The following CNNM2 variants were observed in gnomAD, a reference collection of about 807,000 sequenced individuals.
CNNM2 encodes the protein cyclin and CBS domain divalent metal cation transport mediator 2.
Under a neutral mutation model 66.9 loss-of-function variants are expected in CNNM2, and 12 were observed. The ratio of observed to expected loss-of-function variants is 0.18; its 90% CI spans 0.11 to 0.29. The LOEUF (loss-of-function observed/expected upper bound fraction) is 0.29. Ranked by LOEUF, CNNM2 falls within the 10% of genes least tolerant of loss-of-function variation. The probability of loss-of-function intolerance (pLI) is 1.00; values close to 1 mark genes in which losing one functional copy is unlikely to be tolerated. For missense variants in CNNM2, 705 were observed against 1,167.7 expected, an observed-to-expected ratio of 0.60 and a Z score of 5.77; for synonymous variants, 557 against 501.8, an observed-to-expected ratio of 1.11 and a Z score of -1.47.
intron 1 of CNNM2, among the ~76,000 whole-genome samples, chr10:102,993,202 C>T (rs1432780791): frequency 2.6e-5 from 4 of 152,092 alleles, no homozygotes; most frequent in African/African-American, 9.7e-5. Flanking sequence ...TACTTATGTG[C>T]GTTGAGAAAC....
intron 1 of CNNM2, among the ~76,000 whole-genome samples, chr10:103,036,251 C>T (rs2064936026): frequency 6.6e-6 from 1 of 152,178 alleles, no homozygotes; most frequent in Non-Finnish European, 1.5e-5. Context: ...GAGAAGATGA[C>T]AAGCAGGCTG....
intron 1 of CNNM2, among the ~76,000 whole-genome samples, chr10:103,046,685 T>C (rs1180635146): frequency 1.3e-5 from 2 of 152,360 alleles, no homozygotes; most frequent in African/African-American, 4.8e-5. Flanking sequence ...GCCATTGTTT[T>C]ACTTTTTGCA....
intron 1 of CNNM2, among the ~76,000 whole-genome samples, chr10:102,982,263 A>G (rs893515688): frequency 1.1e-4 from 17 of 152,188 alleles, no homozygotes; most frequent in Admixed American, 3.3e-4. Flanking sequence ...CACACTGGCT[A>G]TATTATTTGA....
At chr10:102,947,866 C>T (rs1045240736) in intron 1 of CNNM2, among the ~76,000 whole-genome samples, 4 of 151,934 alleles carry the variant, frequency 2.6e-5, no homozygotes, top group Admixed American at 6.6e-5. Flanking sequence ...CTGGCTAACA[C>T]GGTGAAACCC....
chr10:102,971,546 T>C (rs1285766302), intron 1 of CNNM2, among the ~76,000 whole-genome samples: 1 of 152,226 alleles, frequency 6.6e-6, no homozygotes, highest in Non-Finnish European at 1.5e-5. Flanking sequence ...GATATAAACA[T>C]AGCCAGTTGG....
At chr10:103,049,589 A>C in intron 1 of CNNM2, 118 bp from the exon 2 acceptor site, 1 of 999,768 alleles carries the variant, frequency 1.0e-6, no homozygotes, top group South Asian at 1.6e-5. Context: ...TAAAATGCTG[A>C]AACAGAGATT....
At chr10:102,924,722 A>C (rs1845789009) in intron 1 of CNNM2, among the ~76,000 whole-genome samples, 1 of 151,658 alleles carries the variant, frequency 6.6e-6, no homozygotes. Flanking sequence ...CTCCCATCTG[A>C]GCCTTCCAAG....
chr10:103,004,978 CTTTAA>C (rs1029721427), intron 1 of CNNM2, among the ~76,000 whole-genome samples: 15 of 152,106 alleles, frequency 9.9e-5, no homozygotes, highest in African/African-American at 3.1e-4. Flanking sequence ...ATTGAATGGT[CTTTAA>C]TTTCTTTTTT....
Position 102,926,644 on chromosome 10 carries a change from C to T in CNNM2, c.1621+6543C>T, listed in dbSNP as rs118121614. On this transcript the variant is annotated intron_variant, in intron 1 of 7. Transcript: ENST00000369878. Reference sequence around the variant, plus strand: ...CACTGCAGCCTCGACCTCCCAGGTTCGAGTGATCCTCCCATCTCAGCCTCC... The same window carrying T: ...CACTGCAGCCTCGACCTCCCAGGTTTGAGTGATCCTCCCATCTCAGCCTCC... Among the ~76,000 whole-genome samples the T allele has an allele frequency of 4.1e-3, 629 of 151,768 alleles. 20 individuals carry two copies. In the East Asian group the frequency reaches 0.072, roughly 17 times the overall value.
intron 1 of CNNM2, among the ~76,000 whole-genome samples, chr10:102,934,779 G>GTTCATA (rs1846176931): frequency 6.6e-6 from 1 of 152,054 alleles, no homozygotes; most frequent in African/African-American, 2.4e-5. Flanking sequence ...GGGAGTTCAA[G>GTTCATA]GCTGCAGTGA....
chr10:103,001,944 C>T (rs746247575), intron 1 of CNNM2, among the ~76,000 whole-genome samples: 2 of 152,070 alleles, frequency 1.3e-5, no homozygotes, highest in African/African-American at 2.4e-5. Context: ...TGCAGTGAGC[C>T]GAGGTCCTGC....
intron 1 of CNNM2, among the ~76,000 whole-genome samples, chr10:102,973,313 G>A (rs1420698338): frequency 1.3e-5 from 2 of 151,680 alleles, no homozygotes; most frequent in Non-Finnish European, 2.9e-5. Flanking sequence ...GTCTCGCTCT[G>A]TTGCCCAGAC....
intron 1 of CNNM2, among the ~76,000 whole-genome samples, chr10:102,929,710 G>A (rs1045314264): frequency 2.6e-5 from 4 of 152,036 alleles, no homozygotes; most frequent in Admixed American, 6.6e-5. Flanking sequence ...CCGCTCATCC[G>A]TTGATAGACA....
Position 103,086,535 on chromosome 10 carries a change from C to G in CNNM2, c.*9355C>G, listed in dbSNP as rs2065814265. 1 of 152,162 alleles carries G rather than the reference C, an allele frequency of 6.6e-6. No homozygotes were observed. Among genetic ancestry groups the G allele is most frequent in the African/African-American group, 2.4e-5 (1 of 41,440 alleles). 9.4% of individuals were successfully genotyped at this position (152,162 alleles called of 1,614,324 possible). A position where few individuals can be genotyped will look rare whatever the true frequency, so the allele number is the denominator to read the frequency against. ...TGACCAGGCAGCCTTGGAAAAATTG[C>G]TGGGCTTTAAAGTTGTTGACAAAGT... On this transcript the variant is annotated 3_prime_UTR_variant, in exon 8 of 8. Transcript: ENST00000369878.
At chr10:102,945,770 A>G (rs1185104452) in intron 1 of CNNM2, among the ~76,000 whole-genome samples, 1 of 152,098 alleles carries the variant, frequency 6.6e-6, no homozygotes, top group Admixed American at 6.6e-5. Context: ...GTGTTATTGT[A>G]AGACTCTATG....
In CNNM2 at chr10:103,078,457, G is replaced by A. The variant is rs1399810270; in HGVS notation, c.*1277G>A. The stretch of plus-strand genomic sequence containing the variant: ...CTGCCTGTACAGCCAGGGTCAGTTT[G>A]GCCCCAAACAGGGATTCAGAAACCA... On this transcript the variant is annotated 3_prime_UTR_variant, in exon 8 of 8. Coordinates refer to ENST00000369878, the MANE Select transcript of CNNM2 (RefSeq NM_017649.5). 1.3e-5 allele frequency: 2 copies of A among 152,238 alleles called. No homozygotes were observed. Among genetic ancestry groups the A allele is most frequent in the African/African-American group, 4.8e-5 (2 of 41,462 alleles). 9.4% of individuals were successfully genotyped at this position (152,238 alleles called of 1,614,324 possible). A position where few individuals can be genotyped will look rare whatever the true frequency, so the allele number is the denominator to read the frequency against.
chr10:102,919,434 A>G lies in CNNM2; in HGVS notation c.954A>G (p.Ser318=). The change falls in exon 1 of 8, where the codon TCA becomes TCG. Residue 318 remains serine (S), a synonymous_variant. Transcript: ENST00000369878. ...GGCAGGGCAACTACCTGCTGTGCTCACTGCTGCTGGGCAACGTGCTGGTCA... is the reference window on the plus strand; with the variant it reads ...GGCAGGGCAACTACCTGCTGTGCTCGCTGCTGCTGGGCAACGTGCTGGTCA... ...VRRQGNYLLC[S]LLLGNVLVNT... is the part of the protein sequence containing the mutation. 6.2e-7 allele frequency: 1 copy of G among 1,611,594 alleles called. No individual in the cohort carries two copies. The highest frequency in any genetic ancestry group is 8.5e-7 in the Non-Finnish European group (1 of 1,180,012).
chr10:102,982,542 G>C, intron 1 of CNNM2, among the ~76,000 whole-genome samples: 1 of 152,196 alleles, frequency 6.6e-6, no homozygotes, highest in Non-Finnish European at 1.5e-5. Context: ...AGAGAAGCTG[G>C]CCCAGCTTTG....
chr10:102,929,464 G>C (rs1367736013), intron 1 of CNNM2, among the ~76,000 whole-genome samples: 1 of 148,508 alleles, frequency 6.7e-6, no homozygotes, highest in South Asian at 2.1e-4. Context: ...AAAAAAAAAA[G>C]TGACTAGTTA....
Sources: allele counts gnomAD v4.1 joint callset (sites outside exome capture counted in the v4.1 genomes callset), GRCh38; gene constraint gnomAD v4.1.1; transcripts MANE v1.5; gene names NCBI Gene and HGNC (gene_info 2026-07-23, HGNC 2026-07-21).